PLEKHG4: variants seen among roughly 807,000 people sequenced by gnomAD.
PLEKHG4 encodes the protein puratrophin-1.
In PLEKHG4, 85 loss-of-function variants were observed where a neutral mutation model predicts 136.9. That is an observed-to-expected ratio of 0.62 (90% confidence interval 0.52 to 0.74). The LOEUF (loss-of-function observed/expected upper bound fraction) is 0.74. PLEKHG4 is among the 30% of genes least tolerant of loss of function. PLEKHG4 has a pLI of 0.00. For missense variants in PLEKHG4, 1,317 were observed against 1,527.8 expected (o/e 0.86, Z 2.30); for synonymous variants, 577 against 646.9 (o/e 0.89, Z 1.64).
At position 67,287,930 on chromosome 16, in the gene PLEKHG4, G is replaced by A. The variant is rs765049028; in HGVS notation, c.3136G>A (p.Val1046Met). 4 of 1,613,894 alleles carry A rather than the reference G, an allele frequency of 2.5e-6. No homozygotes were observed. The East Asian group carries it at 8.9e-5, about 36-fold the overall frequency. ...VRMAEMVSMG[V>M]GNKAFRDIAP... The stretch of plus-strand genomic sequence containing the variant: ...CATGGCTGAGATGGTGTCCATGGGT[G>A]TGGGGAACAAGGCCTTCCGAGACAT... Residue 1046 changes from valine to methionine, a missense_variant, in exon 19 of 22, where the codon GTG (valine) becomes ATG (methionine). Physicochemically the swap from Val to Met is conservative, Grantham distance 21. Coordinates refer to ENST00000379344, the MANE Select transcript of PLEKHG4 (RefSeq NM_001129729.3).
At chr16:67,283,582 T>C (rs1291377839) in intron 11 of PLEKHG4, among the ~76,000 whole-genome samples, 1 of 151,870 alleles carries the variant, frequency 6.6e-6, no homozygotes, top group East Asian at 1.9e-4. Context: ...TATGTACCCA[T>C]GTGGGAGGGT....
Position 67,286,480 on chromosome 16 carries a change from G to C in PLEKHG4, c.2568G>C (p.Leu856=). The change falls in exon 16 of 22, where the codon CTG becomes CTC. Residue 856 remains leucine (L), a synonymous_variant. Transcript: ENST00000379344. The stretch of plus-strand genomic sequence containing the variant: ...AAGCACTGGGGGACCACCTGGACCT[G>C]GCCTCCTACCTGCTAAAGCCCATCC... ...KQQALGDHLD[L]ASYLLKPIQR... 6.2e-7 allele frequency: 1 copy of C among 1,608,230 alleles called. No homozygotes were observed. Among genetic ancestry groups the C allele is most frequent in the Non-Finnish European group, 8.5e-7 (1 of 1,176,752 alleles).
chr16:67,287,982 A>G lies in PLEKHG4; in HGVS notation c.3188A>G (p.Asp1063Gly). 1 of 1,613,454 alleles carries G rather than the reference A, an allele frequency of 6.2e-7. No individual in the cohort carries two copies. Among genetic ancestry groups the G allele is most frequent in the Non-Finnish European group, 8.5e-7 (1 of 1,179,640 alleles). ...DIAPSEEAIN[D>G]RTVNYVLKCR... ...GCTCCCAGCGAGGAAGCCATCAACG[A>G]CCGCACCGTCAACTATGTCCTGAAG... The change falls in exon 19 of 22, where the codon GAC becomes GGC. Residue 1063 changes from aspartate to glycine, a missense_variant. Coordinates refer to ENST00000379344, the MANE Select transcript of PLEKHG4 (RefSeq NM_001129729.3).
At position 67,282,602 on chromosome 16, in the gene PLEKHG4, G is replaced by C; in HGVS notation, c.1353G>C (p.Leu451Phe). Reference protein sequence around the residue: ...QSNQRIQALELVQTLEARESG... With the variant: ...QSNQRIQALEFVQTLEARESG... Reference sequence around the variant, plus strand: ...ACCAGCGAATACAGGCCCTAGAGTTGGTCCAAACACTGGAGGCCCGGGAAA... The same window carrying C: ...ACCAGCGAATACAGGCCCTAGAGTTCGTCCAAACACTGGAGGCCCGGGAAA... The change falls in exon 10 of 22, where the codon TTG (leucine) becomes TTC (phenylalanine). Residue 451 changes from leucine to phenylalanine, a missense_variant. By Grantham distance (22) the Leu-to-Phe change is conservative (BLOSUM62 0). Coordinates refer to ENST00000379344, the MANE Select transcript of PLEKHG4 (RefSeq NM_001129729.3). 6.2e-7 allele frequency: 1 copy of C among 1,614,018 alleles called. No individual in the cohort carries two copies. The highest frequency in any genetic ancestry group is 8.5e-7 in the Non-Finnish European group (1 of 1,180,042).
Position 67,285,002 on chromosome 16 carries a change from G to C in PLEKHG4, c.1982G>C (p.Ser661Thr). Residue 661 changes from serine to threonine, a missense_variant, in exon 13 of 22, where the codon AGC becomes ACC. Coordinates refer to ENST00000379344, the MANE Select transcript of PLEKHG4 (RefSeq NM_001129729.3). ...GGCAGCACAGCTAGCCTGTGTGTCA[G>C]CCAGGTCCCCGCTGCACCTGCCCAC... ...PVGSTASLCVSQVPAAPAHPP... is the reference protein window; with the variant it reads ...PVGSTASLCVTQVPAAPAHPP... 2 of 1,613,534 alleles carry C rather than the reference G, an allele frequency of 1.2e-6. No homozygotes were observed. The highest frequency in any genetic ancestry group is 1.7e-6 in the Non-Finnish European group (2 of 1,179,954).
In PLEKHG4 at chr16:67,281,106, AC is replaced by A; in HGVS notation, c.736del (p.Leu246TrpfsTer3). 6.2e-7 allele frequency: 1 copy of A among 1,614,144 alleles called. No homozygotes were observed. The highest frequency in any genetic ancestry group is 1.1e-5 in the South Asian group (1 of 91,088). On this transcript the variant is annotated frameshift_variant, in exon 5 of 22. Transcript: ENST00000379344. LOFTEE classifies it high-confidence loss of function. ...RSIPRPEVQA[L>X]GLTVLVDARI... ...ACCCCTTTAGGCCCGAAGTACAGGC[AC>A]TGGGACTGACAGTGCTAGTTGATGC...
intron 5 of PLEKHG4, 152 bp from the exon 6 acceptor site, chr16:67,281,415 G>A (rs1290429852): frequency 6.7e-6 from 5 of 745,492 alleles, no homozygotes; most frequent in Non-Finnish European, 1.2e-5. Context: ...AGTAGAGAGG[G>A]GGTTTCACCA....
rs2036126105 is a variant in PLEKHG4 at position 67,279,780 on chromosome 16, G to A, written c.-169-96G>A. 3.4e-5 allele frequency: 16 copies of A among 468,366 alleles called. No homozygotes were observed. In the South Asian group the frequency reaches 4.0e-4, roughly 12 times the overall value. 29.0% of individuals were successfully genotyped at this position (468,366 alleles called of 1,614,324 possible). On this transcript the variant is annotated intron_variant, in intron 1 of 21. Coordinates refer to ENST00000379344, the MANE Select transcript of PLEKHG4 (RefSeq NM_001129729.3). The stretch of plus-strand genomic sequence containing the variant: ...TGGGCCTGCAGAGCGTGGCCGTGAG[G>A]ACGCTGAGGGTGGGCGCGCACGGAG...
Position 67,288,390 on chromosome 16 carries a change from G to GA in PLEKHG4, c.3444_3445insA (p.Pro1149ThrfsTer6). 6.2e-7 allele frequency: 1 copy of GA among 1,611,996 alleles called. No homozygotes were observed. The highest frequency in any genetic ancestry group is 1.1e-5 in the South Asian group (1 of 91,076). ...AGGCTGAGGCAGAGCTGGGCGGCCA[G>GA]CCCTCTTTGAGTATGTCTGGGCCTA... is the stretch of plus-strand genomic sequence containing the variant. On this transcript the variant is annotated frameshift_variant, in exon 20 of 22. Transcript: ENST00000379344. LOFTEE classifies it high-confidence loss of function.
chr16:67,284,344 C>T lies in PLEKHG4; in HGVS notation c.1579C>T (p.Pro527Ser), dbSNP rs150208712. Reference sequence around the variant, plus strand: ...CTGGGAGGCGGCTGAACTGGACCCCCCTGGGGCACGCTTTCTGGCCCTGCG... The same window carrying T: ...CTGGGAGGCGGCTGAACTGGACCCCTCTGGGGCACGCTTTCTGGCCCTGCG... ...TGWEAAELDP[P>S]GARFLALRAQ... is the part of the protein sequence containing the mutation. Residue 527 changes from proline (P) to serine (S), a missense_variant, in exon 12 of 22, where the codon CCT (proline) becomes TCT (serine). Transcript: ENST00000379344. This position sits in a 1 kb window ranked among gnomAD's most constrained non-coding sequence, Gnocchi z 4.4. 8 of 1,613,964 alleles carry T rather than the reference C, an allele frequency of 5.0e-6. No homozygotes were observed. In the South Asian group the frequency reaches 5.5e-5, roughly 11 times the overall value.
In PLEKHG4 at chr16:67,284,775, G is replaced by A; in HGVS notation, c.1755G>A (p.Gly585=). ...VLAELEQERP[G]VVLQQLQLHW... ...CAGAGCTGGAGCAGGAACGCCCGGG[G>A]GTTGTGTTGCAGCAGCTGCAGCTGC... is the stretch of plus-strand genomic sequence containing the variant. Residue 585 remains glycine (G), a synonymous_variant, in exon 13 of 22, where the codon GGG becomes GGA. Coordinates refer to ENST00000379344, the MANE Select transcript of PLEKHG4 (RefSeq NM_001129729.3). The surrounding 1 kb of genome is among the most constrained non-coding windows in gnomAD (Gnocchi z 4.4). 1 of 1,613,928 alleles carries A rather than the reference G, an allele frequency of 6.2e-7. No homozygotes were observed. The highest frequency in any genetic ancestry group is 1.7e-5 in the Admixed American group (1 of 60,020).
chr16:67,286,661 T>G lies in PLEKHG4; in HGVS notation c.2749T>G (p.Cys917Gly). ...DLLAMDAIQG[C>G]DVNLKEQGQL... ...GCTGGCCATGGACGCCATCCAGGGC[T>G]GTGATGTGAGTCATCCCAGGGCAAG... The change falls in exon 16 of 22, where the codon TGT (cysteine) becomes GGT (glycine). Residue 917 changes from cysteine to glycine, a missense_variant. Transcript: ENST00000379344. 6.3e-7 allele frequency: 1 copy of G among 1,575,560 alleles called. No individual in the cohort carries two copies. Among genetic ancestry groups the G allele is most frequent in the Non-Finnish European group, 8.6e-7 (1 of 1,160,122 alleles).
chr16:67,280,540 G>A lies in PLEKHG4; in HGVS notation c.496G>A (p.Ala166Thr). Reference protein sequence around the residue: ...PLSEISKLLEAAPSGSGLPKP... With the variant: ...PLSEISKLLETAPSGSGLPKP... The stretch of plus-strand genomic sequence containing the variant: ...ATCAGAAATATCAAAGCTGCTGGAG[G>A]CAGGTAAGGAAGGCTGGGCTAGGGA... Residue 166 changes from alanine (A) to threonine (T), a missense_variant, in exon 2 of 22, where the codon GCA becomes ACA. Transcript: ENST00000379344. This position sits in a 1 kb window ranked among gnomAD's most constrained non-coding sequence, Gnocchi z 4.4. 2 of 1,613,012 alleles carry A rather than the reference G, an allele frequency of 1.2e-6. No homozygotes were observed. Among genetic ancestry groups the A allele is most frequent in the Middle Eastern group, 1.6e-4 (1 of 6,062 alleles).
chr16:67,284,415 G>A lies in PLEKHG4; in HGVS notation c.1650G>A (p.Gln550=). The A allele has an allele frequency of 6.2e-7, 1 of 1,614,106 alleles. No homozygotes were observed. Among genetic ancestry groups the A allele is most frequent in the Non-Finnish European group, 8.5e-7 (1 of 1,180,012 alleles). ...EFSRALAQRC[Q]RLADAERLFQ... is the part of the protein sequence containing the mutation. ...CTAGGGCTTTGGCCCAGCGGTGCCA[G>A]CGGCTGGCGGATGCTGAGAGGCTGT... Residue 550 remains glutamine, a synonymous_variant, in exon 12 of 22, where the codon CAG becomes CAA. Coordinates refer to ENST00000379344, the MANE Select transcript of PLEKHG4 (RefSeq NM_001129729.3). The surrounding 1 kb of genome is among the most constrained non-coding windows in gnomAD (Gnocchi z 4.4).
Position 67,285,121 on chromosome 16 carries a change from G to A in PLEKHG4, c.2101G>A (p.Ala701Thr). Reference protein sequence around the residue: ...CHCHHAATIAACRRPEAGGGA... With the variant: ...CHCHHAATIATCRRPEAGGGA... ...CTGCCACCATGCGGCCACTATTGCT[G>A]CCTGCCGCAGACCAGAGGCTGGAGG... The change falls in exon 13 of 22, where the codon GCC becomes ACC. Residue 701 changes from alanine to threonine, a missense_variant. By Grantham distance (58) the Ala-to-Thr change is moderately conservative (BLOSUM62 0). Coordinates refer to ENST00000379344, the MANE Select transcript of PLEKHG4 (RefSeq NM_001129729.3). 1 of 1,613,418 alleles carries A rather than the reference G, an allele frequency of 6.2e-7. No homozygotes were observed. The highest frequency in any genetic ancestry group is 8.5e-7 in the Non-Finnish European group (1 of 1,180,006).
chr16:67,288,617 T>C lies in PLEKHG4; in HGVS notation c.3570+13T>C. The C allele has an allele frequency of 6.2e-7, 1 of 1,613,948 alleles. No individual in the cohort carries two copies. ...GGACTTACCCTGTGTGAGTGCCATT[T>C]GCCCTATACCCACCAGCCCTTCCCC... is the stretch of plus-strand genomic sequence containing the variant. On this transcript the variant is annotated intron_variant, in intron 21 of 21. Coordinates refer to ENST00000379344, the MANE Select transcript of PLEKHG4 (RefSeq NM_001129729.3).
Position 67,289,331 on chromosome 16 carries a change from G to T in PLEKHG4, c.*523G>T. 4 of 467,316 alleles carry T rather than the reference G, an allele frequency of 8.6e-6. No homozygotes were observed. Among genetic ancestry groups the T allele is most frequent in the East Asian group, 7.0e-5 (2 of 28,410 alleles). 28.9% of individuals were successfully genotyped at this position (467,316 alleles called of 1,614,324 possible). A position where few individuals can be genotyped will look rare whatever the true frequency, so the allele number is the denominator to read the frequency against. On this transcript the variant is annotated 3_prime_UTR_variant, in exon 22 of 22. Coordinates refer to ENST00000379344, the MANE Select transcript of PLEKHG4 (RefSeq NM_001129729.3). ...TTTACTGGGGCAGTTTCGTTATTTT[G>T]ACTTGATGCCTTTTGAATAACTTTC...
Position 67,288,570 on chromosome 16 carries a change from A to T in PLEKHG4, c.3536A>T (p.Gln1179Leu). The stretch of plus-strand genomic sequence containing the variant: ...TCTGACAGCAGCTGTGTGTCAGGGC[A>T]GGCCCTGGGTAGGGGCCTGGAGGAC... ...SGSDSSCVSG[Q>L]ALGRGLEDLP... Residue 1179 changes from glutamine (Q) to leucine (L), a missense_variant, in exon 21 of 22, where the codon CAG becomes CTG. Coordinates refer to ENST00000379344, the MANE Select transcript of PLEKHG4 (RefSeq NM_001129729.3). 1 of 1,614,030 alleles carries T rather than the reference A, an allele frequency of 6.2e-7. No individual in the cohort carries two copies. The highest frequency in any genetic ancestry group is 8.5e-7 in the Non-Finnish European group (1 of 1,179,848).
chr16:67,287,960 C>G lies in PLEKHG4; in HGVS notation c.3166C>G (p.Pro1056Ala). 1 of 1,614,038 alleles carries G rather than the reference C, an allele frequency of 6.2e-7. No homozygotes were observed. Among genetic ancestry groups the G allele is most frequent in the African/African-American group, 1.3e-5 (1 of 75,044 alleles). The change falls in exon 19 of 22, where the codon CCC becomes GCC. Residue 1056 changes from proline (P) to alanine (A), a missense_variant. Transcript: ENST00000379344. ...VGNKAFRDIA[P>A]SEEAINDRTV... is the part of the protein sequence containing the mutation. Reference sequence around the variant, plus strand: ...GAACAAGGCCTTCCGAGACATTGCTCCCAGCGAGGAAGCCATCAACGACCG... The same window carrying G: ...GAACAAGGCCTTCCGAGACATTGCTGCCAGCGAGGAAGCCATCAACGACCG...
Sources: gnomAD v4.1 joint callset for allele counts (sites outside exome capture counted in the v4.1 genomes callset) on GRCh38, gnomAD v4.1.1 for gene constraint, Gnocchi (gnomAD v3.1) non-coding constraint, MANE v1.5 for transcripts, NCBI Gene and HGNC (gene_info 2026-07-23, HGNC 2026-07-21) for gene names.